The following EIF4G3 variants were observed in gnomAD, a reference collection of about 807,000 sequenced individuals.
EIF4G3 encodes eIF-4-gamma 3.
EIF4G3 carries 34 observed loss-of-function variants against 186.4 expected under a neutral mutation model. That is an observed-to-expected ratio of 0.18 (90% CI 0.14 to 0.24). The LOEUF (loss-of-function observed/expected upper bound fraction) is 0.24, where lower values mean the gene tolerates loss of function less well. Ranked by LOEUF, EIF4G3 falls within the 10% of genes least tolerant of loss-of-function variation. EIF4G3 has a pLI of 1.00. For synonymous variants in EIF4G3, 673 were observed against 679.5 expected, an observed-to-expected ratio of 0.99 and a Z score of 0.15; for missense variants, 1,536 against 1,948.5, an observed-to-expected ratio of 0.79 and a Z score of 3.99.
In EIF4G3 at chr1:20,817,402, T is replaced by C; in HGVS notation, c.4505A>G (p.Asp1502Gly). Reference sequence around the variant, plus strand: ...ACATAGTCTTTATACCTCTACCCAGTCAAAGATCTGTTCATCATTCGCTTT... The same window carrying C: ...ACATAGTCTTTATACCTCTACCCAGCCAAAGATCTGTTCATCATTCGCTTT... ...EDKANDEQIF[D>G]WVEANLDEIQ... The change falls in exon 34 of 37, where the codon GAC becomes GGC. Residue 1502 changes from aspartate to glycine, a missense_variant. Physicochemically the swap from Asp to Gly is moderately conservative, Grantham distance 94. Around this residue, in one of 11 missense-constraint regions of EIF4G3, gnomAD observed 395 missense variants for 498.9 expected, o/e 0.79. Transcript: ENST00000602326. 6.3e-7 allele frequency: 1 copy of C among 1,594,550 alleles called. No individual in the cohort carries two copies. The highest frequency in any genetic ancestry group is 8.6e-7 in the Non-Finnish European group (1 of 1,168,518).
At chr1:21,163,533 T>C (rs1046443357) in intron 2 of EIF4G3, among the ~76,000 whole-genome samples, 3 of 152,190 alleles carry the variant, frequency 2.0e-5, no homozygotes, top group Non-Finnish European at 4.4e-5. Context: ...CATAATAATT[T>C]AAAACTTAAA....
intron 14 of EIF4G3, among the ~76,000 whole-genome samples, chr1:20,911,560 C>CA (rs60071144): frequency 0.035 from 1,426 of 40,728 alleles, 171 homozygotes; most frequent in African/African-American, 0.082. Flanking sequence ...GACCCTGCCT[C>CA]AAAAAAAAAA....
At chr1:20,936,689 T>C (rs1317355321) in intron 14 of EIF4G3, among the ~76,000 whole-genome samples, 1 of 152,228 alleles carries the variant, frequency 6.6e-6, no homozygotes, top group Non-Finnish European at 1.5e-5. Context: ...ATGTTTGCTA[T>C]GTTTATTTCT....
At chr1:21,016,177 G>A (rs144796259) in intron 4 of EIF4G3, among the ~76,000 whole-genome samples, 8 of 152,102 alleles carry the variant, frequency 5.3e-5, no homozygotes, top group Non-Finnish European at 7.4e-5. Flanking sequence ...AAAGAAGTAC[G>A]GTTTTTGTAA....
At chr1:21,016,185 T>C (rs992071691) in intron 4 of EIF4G3, among the ~76,000 whole-genome samples, 6 of 152,218 alleles carry the variant, frequency 3.9e-5, no homozygotes, top group Non-Finnish European at 7.3e-5. Context: ...ACGGTTTTTG[T>C]AACCAACTGA....
At chr1:21,024,155 C>G (rs1238513891) in intron 4 of EIF4G3, among the ~76,000 whole-genome samples, 2 of 136,550 alleles carry the variant, frequency 1.5e-5, no homozygotes, top group African/African-American at 5.0e-5. Flanking sequence ...TCACCCCGTC[C>G]GGGAGGGAGG....
At chr1:21,135,592 C>T (rs1041396249) in intron 2 of EIF4G3, among the ~76,000 whole-genome samples, 1 of 152,204 alleles carries the variant, frequency 6.6e-6, no homozygotes, top group Admixed American at 6.5e-5. Flanking sequence ...GTTATTACTA[C>T]TGGCAAAAGC....
chr1:21,052,817 G>A (rs1571746440), intron 3 of EIF4G3, among the ~76,000 whole-genome samples: 2 of 152,228 alleles, frequency 1.3e-5, no homozygotes, highest in South Asian at 2.1e-4. Context: ...TCCTAACCGC[G>A]AGTGATCCGC....
chr1:21,161,724 T>C (rs1358272600), intron 2 of EIF4G3: 2 of 152,186 alleles, frequency 1.3e-5, no homozygotes, highest in South Asian at 4.1e-4. Flanking sequence ...TCCCAGCATT[T>C]TGGGAGGCCG....
intron 2 of EIF4G3, among the ~76,000 whole-genome samples, chr1:21,106,185 T>C (rs2096614647): frequency 6.6e-6 from 1 of 151,926 alleles, no homozygotes. Context: ...GTAAGCAGTA[T>C]GAATTCTTTT....
At chr1:21,095,856 T>C (rs905157773) in intron 2 of EIF4G3, among the ~76,000 whole-genome samples, 2 of 151,382 alleles carry the variant, frequency 1.3e-5, no homozygotes, top group Non-Finnish European at 2.9e-5. Context: ...GACTACGCTG[T>C]TATTTCTACA....
In EIF4G3 at chr1:20,997,594, A is replaced by G; in HGVS notation, c.177+7T>C. On this transcript the variant is annotated splice_region_variant and intron_variant, in intron 7 of 36. Coordinates refer to ENST00000602326, the MANE Select transcript of EIF4G3 (RefSeq NM_001391906.1). ...AGGGTGATAGTGAAGGGGCAAGGGT[A>G]CAGTACCTGATGATGGGGAGGTCGA... is the stretch of plus-strand genomic sequence containing the variant. 1.9e-6 allele frequency: 3 copies of G among 1,550,012 alleles called. No homozygotes were observed. The highest frequency in any genetic ancestry group is 1.7e-6 in the Non-Finnish European group (2 of 1,146,612).
In EIF4G3 at chr1:20,995,671, C is replaced by G. The variant is rs977249639; in HGVS notation, c.177+1930G>C. Among the ~76,000 whole-genome samples the G allele has an allele frequency of 4.6e-5, 7 of 152,192 alleles. No individual in the cohort carries two copies. The South Asian group carries it at 6.2e-4, about 13-fold the overall frequency. ...ACAGGTTTGAGCAACCGTACCTGGC[C>G]TATTCAGCAATACTGTTTTTGTTTC... is the stretch of plus-strand genomic sequence containing the variant. On this transcript the variant is annotated intron_variant, in intron 7 of 36. Transcript: ENST00000602326.
Position 20,810,639 on chromosome 1 carries a change from T to C in EIF4G3, c.4744+99A>G. ...TATGAGTTTGTGTTATTAGTGATTC[T>C]TTTATTGTCCTTTGTTCGAACCCTA... On this transcript the variant is annotated intron_variant, in intron 36 of 36. Coordinates refer to ENST00000602326, the MANE Select transcript of EIF4G3 (RefSeq NM_001391906.1). The surrounding 1 kb of genome is among the most constrained non-coding windows in gnomAD (Gnocchi z 4.1). The C allele has an allele frequency of 1.5e-6, 2 of 1,377,014 alleles. No individual in the cohort carries two copies. The highest frequency in any genetic ancestry group is 2.6e-5 in the South Asian group (2 of 78,008). 85.3% of individuals were successfully genotyped at this position (1,377,014 alleles called of 1,614,324 possible). A position where few individuals can be genotyped will look rare whatever the true frequency, so the allele number is the denominator to read the frequency against.
At chr1:20,981,735 T>G (rs1204621039) in intron 8 of EIF4G3, among the ~76,000 whole-genome samples, 1 of 141,330 alleles carries the variant, frequency 7.1e-6, no homozygotes, top group Admixed American at 7.2e-5. Flanking sequence ...ACGCACATAC[T>G]GTATATACAC....
intron 10 of EIF4G3, among the ~76,000 whole-genome samples, chr1:20,976,320 T>G (rs899925396): frequency 1.8e-4 from 18 of 98,650 alleles, no homozygotes; most frequent in African/African-American, 6.9e-4. Context: ...ATGCTATCCC[T>G]CCCCCTTCCC....
intron 3 of EIF4G3, among the ~76,000 whole-genome samples, chr1:21,074,253 G>A (rs1023658571): frequency 2.0e-5 from 3 of 152,068 alleles, no homozygotes; most frequent in South Asian, 2.1e-4. Flanking sequence ...CTAAATGACA[G>A]CAGCATCCTC....
At chr1:20,976,323 C>A (rs2076860692) in intron 10 of EIF4G3, among the ~76,000 whole-genome samples, 1 of 151,086 alleles carries the variant, frequency 6.6e-6, no homozygotes. Flanking sequence ...CTATCCCTCC[C>A]CCTTCCCCCC....
At chr1:20,971,913 G>C (rs2075969691) in intron 11 of EIF4G3, among the ~76,000 whole-genome samples, 1 of 152,184 alleles carries the variant, frequency 6.6e-6, no homozygotes, top group African/African-American at 2.4e-5. Context: ...GGTTACAGGT[G>C]TGAGCCACTG....
Sources: allele counts gnomAD v4.1 joint callset (sites outside exome capture counted in the v4.1 genomes callset), GRCh38; gene constraint gnomAD v4.1.1; regional missense constraint gnomAD v4.1.1; non-coding constraint Gnocchi (gnomAD v3.1); transcripts MANE v1.5; gene names NCBI Gene and HGNC (gene_info 2026-07-23, HGNC 2026-07-21).